CSMD2: variants seen among roughly 807,000 people sequenced by gnomAD.
CSMD2 encodes CUB and sushi domain-containing protein 2.
Under a neutral mutation model 398.5 loss-of-function variants are expected in CSMD2, and 130 were observed. That is an observed-to-expected ratio of 0.33 (90% CI 0.28 to 0.38). The LOEUF is 0.38. Ranked by LOEUF, CSMD2 falls within the 10% of genes least tolerant of loss-of-function variation. The pLI, the probability that CSMD2 is intolerant of heterozygous loss-of-function variation, is 1.00. For missense variants in CSMD2, 3,829 were observed against 4,764.9 expected (o/e 0.80, Z 5.78); for synonymous variants, 1,828 against 1,908.5 (o/e 0.96, Z 1.10).
At chr1:33,647,866 C>G (rs1643538975) in intron 28 of CSMD2, among the ~76,000 whole-genome samples, 1 of 152,224 alleles carries the variant, frequency 6.6e-6, no homozygotes, top group Non-Finnish European at 1.5e-5. Context: ...AGGCGGACCT[C>G]CACATCAGTT....
At chr1:33,820,599 A>G (rs1178248625) in intron 7 of CSMD2, 43 bp from the exon 8 acceptor site, 9 of 1,327,500 alleles carry the variant, frequency 6.8e-6, no homozygotes, top group African/African-American at 4.5e-5. Context: ...CAGCACACAC[A>G]GAGATGGACA....
At position 33,795,298 on chromosome 1, in the gene CSMD2, G is replaced by A. The variant is rs572603341; in HGVS notation, c.1447-2772C>T. Reference sequence around the variant, plus strand: ...AGTGGGGATTCCTTGGCCCTTCTGGGTTTCCTATCCAGAATGTTCCCTGTT... The same window carrying A: ...AGTGGGGATTCCTTGGCCCTTCTGGATTTCCTATCCAGAATGTTCCCTGTT... On this transcript the variant is annotated intron_variant, in intron 10 of 70. Coordinates refer to ENST00000373381, the MANE Select transcript of CSMD2 (RefSeq NM_001281956.2). Among the ~76,000 whole-genome samples, 4 of 152,280 alleles carry A rather than the reference G, an allele frequency of 2.6e-5. No homozygotes were observed. In the South Asian group the frequency reaches 8.3e-4, roughly 32 times the overall value.
chr1:33,895,692 A>G (rs979105903), intron 5 of CSMD2, among the ~76,000 whole-genome samples: 4 of 152,132 alleles, frequency 2.6e-5, no homozygotes, highest in African/African-American at 9.7e-5. Context: ...GGCAGGCTAC[A>G]CTGGCCGCCC....
chr1:33,559,558 G>A lies in CSMD2; in HGVS notation c.8381-85C>T. 1.6e-6 allele frequency: 2 copies of A among 1,238,830 alleles called. No individual in the cohort carries two copies. Among genetic ancestry groups the A allele is most frequent in the Non-Finnish European group, 2.2e-6 (2 of 889,284 alleles). 76.7% of individuals were successfully genotyped at this position (1,238,830 alleles called of 1,614,324 possible). On this transcript the variant is annotated intron_variant, in intron 53 of 70. Transcript: ENST00000373381. This position sits in a 1 kb window ranked among gnomAD's most constrained non-coding sequence, Gnocchi z 4.0. ...TCCACCTCTCACCTGGCATCTCTTAGGCCATCAGTGAAGTTCAGCCCTAAG... is the reference window on the plus strand; with the variant it reads ...TCCACCTCTCACCTGGCATCTCTTAAGCCATCAGTGAAGTTCAGCCCTAAG...
chr1:34,110,717 C>T (rs910994443), intron 1 of CSMD2, among the ~76,000 whole-genome samples: 3 of 151,750 alleles, frequency 2.0e-5, no homozygotes, highest in African/African-American at 7.3e-5. Flanking sequence ...CACAAAGAGG[C>T]GAGCAACATA....
chr1:33,950,574 G>A (rs1444684475), intron 3 of CSMD2, among the ~76,000 whole-genome samples: 1 of 152,198 alleles, frequency 6.6e-6, no homozygotes, highest in Non-Finnish European at 1.5e-5. Flanking sequence ...AGGAGAGCCT[G>A]TTGAGGATGG....
chr1:33,719,730 C>G (rs1032530317), intron 19 of CSMD2, among the ~76,000 whole-genome samples: 3 of 152,188 alleles, frequency 2.0e-5, no homozygotes, highest in Non-Finnish European at 4.4e-5. Context: ...TTGCTTAACA[C>G]CTCAGGTTCC....
chr1:34,096,874 C>T, intron 1 of CSMD2, among the ~76,000 whole-genome samples: 1 of 143,164 alleles, frequency 7.0e-6, no homozygotes, highest in Non-Finnish European at 1.5e-5. Flanking sequence ...CCCCATCAAG[C>T]TACCAATGCC....
chr1:33,641,627 G>T (rs1294575290), intron 29 of CSMD2, among the ~76,000 whole-genome samples: 2 of 152,310 alleles, frequency 1.3e-5, no homozygotes, highest in East Asian at 3.9e-4. Context: ...TGACATGACT[G>T]CATTCAGAAT....
At chr1:33,529,289 C>T (rs572840925) in intron 64 of CSMD2, among the ~76,000 whole-genome samples, 40 of 152,186 alleles carry the variant, frequency 2.6e-4, no homozygotes, top group Non-Finnish European at 5.1e-4. Context: ...TACAGGCATA[C>T]ACCACCACTC....
chr1:33,872,268 A>G (rs1041431585), intron 5 of CSMD2, among the ~76,000 whole-genome samples: 35 of 151,250 alleles, frequency 2.3e-4, no homozygotes, highest in Admixed American at 4.6e-4. Context: ...AGAAGAGAGA[A>G]AAAAAAAAGT....
intron 1 of CSMD2, among the ~76,000 whole-genome samples, chr1:34,110,224 G>T (rs1660936626): frequency 6.6e-6 from 1 of 152,068 alleles, no homozygotes; most frequent in African/African-American, 2.4e-5. Flanking sequence ...GGAGAAAAGA[G>T]AATGCTTATA....
intron 3 of CSMD2, among the ~76,000 whole-genome samples, chr1:34,005,620 C>G (rs920308209): frequency 6.6e-6 from 1 of 152,192 alleles, no homozygotes; most frequent in Non-Finnish European, 1.5e-5. Flanking sequence ...CTTCCTTGCA[C>G]TCACCGGTTT....
chr1:34,125,440 T>C (rs926127508), intron 1 of CSMD2, among the ~76,000 whole-genome samples: 5 of 152,004 alleles, frequency 3.3e-5, no homozygotes, highest in African/African-American at 7.2e-5. Flanking sequence ...GGCGCTCACA[T>C]GTGCTCCAGG....
At chr1:33,891,490 G>A (rs552498829) in intron 5 of CSMD2, among the ~76,000 whole-genome samples, 12,648 of 151,078 alleles carry the variant, frequency 0.084, 1,785 homozygotes, top group African/African-American at 0.29. Flanking sequence ...AGTCAGTGTG[G>A]CGATTCCTCA....
intron 6 of CSMD2, among the ~76,000 whole-genome samples, chr1:33,830,855 G>A (rs1197166319): frequency 5.3e-5 from 8 of 152,224 alleles, no homozygotes; most frequent in African/African-American, 1.2e-4. Context: ...CGAGAACTAC[G>A]TGAAGAGTGC....
intron 41 of CSMD2, among the ~76,000 whole-genome samples, chr1:33,609,802 T>C (rs1021368223): frequency 6.6e-6 from 1 of 152,056 alleles, no homozygotes; most frequent in African/African-American, 2.4e-5. Context: ...TATCTCTGCA[T>C]AGGGTAGTGA....
chr1:33,772,974 A>G (rs1651487217), intron 12 of CSMD2, among the ~76,000 whole-genome samples: 1 of 152,224 alleles, frequency 6.6e-6, no homozygotes, highest in Non-Finnish European at 1.5e-5. Flanking sequence ...CCAGCTATCA[A>G]GTGCCTGAGA....
At chr1:34,039,675 G>A (rs1651601831) in intron 2 of CSMD2, among the ~76,000 whole-genome samples, 2 of 152,194 alleles carry the variant, frequency 1.3e-5, no homozygotes, top group Non-Finnish European at 2.9e-5. Flanking sequence ...GTGGGCAAGA[G>A]CCTTTATTGT....
Sources: gnomAD v4.1 joint callset for allele counts (sites outside exome capture counted in the v4.1 genomes callset) on GRCh38, gnomAD v4.1.1 for gene constraint, Gnocchi (gnomAD v3.1) non-coding constraint, MANE v1.5 for transcripts, NCBI Gene and HGNC (gene_info 2026-07-23, HGNC 2026-07-21) for gene names.